The following ADAMTS19 variants were observed in gnomAD, a reference collection of about 807,000 sequenced individuals.
The protein encoded by ADAMTS19 is ADAM metallopeptidase with thrombospondin type 1 motif 19.
In ADAMTS19, 93 loss-of-function variants were observed where a neutral mutation model predicts 153.3. The ratio of observed to expected loss-of-function variants is 0.61; its 90% CI spans 0.51 to 0.72. The LOEUF is 0.72. Among genes scored for constraint, ADAMTS19 ranks in the 30% least tolerant of loss-of-function variants. The pLI, the probability that ADAMTS19 is intolerant of heterozygous loss-of-function variation, is 0.00. For synonymous variants in ADAMTS19, 600 were observed against 556.6 expected, an observed-to-expected ratio of 1.08 and a Z score of -1.10; for missense variants, 1,482 against 1,552.1, an observed-to-expected ratio of 0.95 and a Z score of 0.76.
intron 7 of ADAMTS19, among the ~76,000 whole-genome samples, chr5:129,594,437 A>G (rs945785728): frequency 2.0e-5 from 3 of 152,152 alleles, no homozygotes; most frequent in Non-Finnish European, 4.4e-5. Context: ...ATTTGTACCA[A>G]TCAATGGTAG....
Position 129,528,561 on chromosome 5 carries a change from G to T in ADAMTS19, c.1212G>T (p.Glu404Asp), listed in dbSNP as rs372839904. 7.1e-5 allele frequency: 113 copies of T among 1,602,206 alleles called. No individual in the cohort carries two copies. The highest frequency in any genetic ancestry group is 8.4e-5 in the Non-Finnish European group (99 of 1,175,128). The change falls in exon 6 of 23, where the codon GAG (glutamate) becomes GAT (aspartate). Residue 404 changes from glutamate (E) to aspartate (D), a missense_variant. This residue lies in a region of ADAMTS19 where 866 missense variants were observed against 827.7 expected (regional missense o/e 1.05). Transcript: ENST00000274487. Reference sequence around the variant, plus strand: ...GGCATCATGGAGAAAAAATGCTAGAGAGTTTTTGTAAGTGGCAACATGAAG... The same window carrying T: ...GGCATCATGGAGAAAAAATGCTAGATAGTTTTTGTAAGTGGCAACATGAAG... ...YIGHHGEKML[E>D]SFCKWQHEEF...
intron 16 of ADAMTS19, among the ~76,000 whole-genome samples, chr5:129,669,802 A>G (rs1581208512): frequency 6.6e-6 from 1 of 151,968 alleles, no homozygotes; most frequent in East Asian, 1.9e-4. Flanking sequence ...GATAATTTCT[A>G]ATTCCCCATG....
rs937366999 is a variant in ADAMTS19, at chr5:129,531,592, G to A, written c.1328+2915G>A. On this transcript the variant is annotated intron_variant, in intron 6 of 22. Coordinates refer to ENST00000274487, the MANE Select transcript of ADAMTS19 (RefSeq NM_133638.6). ...GTGAGCCAAGATTGCGCTACTGCAC[G>A]CCAGCCTGGGCGACTGAGCAAGACT... 3.3e-5 allele frequency among the ~76,000 whole-genome samples: 5 copies of A among 152,160 alleles called. No homozygotes were observed. In the East Asian group the frequency reaches 7.7e-4, roughly 24 times the overall value.
chr5:129,717,244 T>A (rs563849588), intron 21 of ADAMTS19, among the ~76,000 whole-genome samples: 1 of 152,184 alleles, frequency 6.6e-6, no homozygotes, highest in Non-Finnish European at 1.5e-5. Flanking sequence ...TTGTACTATA[T>A]GTGTAAGCAA....
At chr5:129,665,256 T>G (rs1753991952) in intron 15 of ADAMTS19, among the ~76,000 whole-genome samples, 1 of 150,556 alleles carries the variant, frequency 6.6e-6, no homozygotes, top group South Asian at 2.1e-4. Flanking sequence ...ATGAGATTTT[T>G]TTGTTTGTTT....
rs751858182 is a variant in ADAMTS19 at position 129,735,047 on chromosome 5, C to T, written c.3428C>T (p.Pro1143Leu). ...FSSEKPAAYRPCHLQPCNEKI... is the reference protein window; with the variant it reads ...FSSEKPAAYRLCHLQPCNEKI... The stretch of plus-strand genomic sequence containing the variant: ...TCAGAAAAACCTGCAGCATACAGGC[C>T]ATGCCATCTTCAACCCTGCAATGAG... The change falls in exon 22 of 23, where the codon CCA becomes CTA. Residue 1143 changes from proline (P) to leucine (L), a missense_variant. Pro to Leu is a moderately conservative substitution (Grantham distance 98, BLOSUM62 -3). This residue lies in a region of ADAMTS19 where 616 missense variants were observed against 724.4 expected (regional missense o/e 0.85). Coordinates refer to ENST00000274487, the MANE Select transcript of ADAMTS19 (RefSeq NM_133638.6). 6.2e-7 allele frequency: 1 copy of T among 1,611,366 alleles called. No individual in the cohort carries two copies. The highest frequency in any genetic ancestry group is 8.5e-7 in the Non-Finnish European group (1 of 1,178,580).
At chr5:129,587,266 T>G (rs1342925590) in intron 7 of ADAMTS19, among the ~76,000 whole-genome samples, 1 of 152,150 alleles carries the variant, frequency 6.6e-6, no homozygotes, top group Non-Finnish European at 1.5e-5. Flanking sequence ...TTGATTTTTT[T>G]TATAAATCCC....
intron 8 of ADAMTS19, among the ~76,000 whole-genome samples, chr5:129,607,913 G>T (rs188638939): frequency 6.7e-6 from 1 of 150,324 alleles, no homozygotes; most frequent in East Asian, 2.0e-4. Context: ...AAAGATGGAT[G>T]TATAAAGAAA....
At chr5:129,734,107 C>G (rs1479486122) in intron 21 of ADAMTS19, among the ~76,000 whole-genome samples, 1 of 151,726 alleles carries the variant, frequency 6.6e-6, no homozygotes, top group African/African-American at 2.4e-5. Context: ...ATTGCATGTT[C>G]TTACTTGTAA....
At chr5:129,613,707 G>A (rs911853056) in intron 8 of ADAMTS19, among the ~76,000 whole-genome samples, 1 of 152,040 alleles carries the variant, frequency 6.6e-6, no homozygotes, top group Non-Finnish European at 1.5e-5. Flanking sequence ...GAAGGAAATA[G>A]GGATACAAAA....
intron 8 of ADAMTS19, among the ~76,000 whole-genome samples, chr5:129,608,432 C>T (rs1751035109): frequency 6.6e-6 from 1 of 151,644 alleles, no homozygotes; most frequent in Non-Finnish European, 1.5e-5. Flanking sequence ...AGCATGATGA[C>T]TATAGTTAAA....
At chr5:129,572,208 C>T (rs560074493) in intron 7 of ADAMTS19, among the ~76,000 whole-genome samples, 29 of 151,738 alleles carry the variant, frequency 1.9e-4, no homozygotes, top group Non-Finnish European at 2.9e-4. Flanking sequence ...AAGTAATAGC[C>T]CTGGAGAAAA....
At chr5:129,507,800 C>T (rs532140311) in intron 2 of ADAMTS19, among the ~76,000 whole-genome samples, 4 of 151,058 alleles carry the variant, frequency 2.6e-5, no homozygotes, top group South Asian at 4.2e-4. Flanking sequence ...GGGGACAGAT[C>T]GAGGTGATAA....
In ADAMTS19 at chr5:129,557,283, A is replaced by C. The variant is rs147918318; in HGVS notation, c.1372+5376A>C. ...GCCTATCTCTTCTTTTAACAATTAA[A>C]TAAATTGAATCAATTCTTTAAAAGC... On this transcript the variant is annotated intron_variant, in intron 7 of 22. Transcript: ENST00000274487. Among the ~76,000 whole-genome samples, 828 of 152,276 alleles carry C rather than the reference A, an allele frequency of 5.4e-3. 4 individuals carry two copies. The highest frequency in any genetic ancestry group is 9.5e-3 in the Admixed American group (146 of 15,288).
intron 7 of ADAMTS19, among the ~76,000 whole-genome samples, chr5:129,588,513 T>G (rs560226679): frequency 6.6e-6 from 1 of 152,224 alleles, no homozygotes; most frequent in African/African-American, 2.4e-5. Flanking sequence ...TCTTTTCATC[T>G]ATTGAATCTA....
chr5:129,693,458 A>T (rs529798383), intron 18 of ADAMTS19, among the ~76,000 whole-genome samples: 23 of 152,282 alleles, frequency 1.5e-4, no homozygotes, highest in South Asian at 6.2e-4. Flanking sequence ...TCAATAGTGA[A>T]CCAGCAGACT....
In ADAMTS19 at chr5:129,504,872, G is replaced by C. The variant is rs78114540; in HGVS notation, c.748-4205G>C. Among the ~76,000 whole-genome samples the C allele has an allele frequency of 3.2e-3, 470 of 148,224 alleles. 1 individual carries two copies. The highest frequency in any genetic ancestry group is 0.01 in the African/African-American group (420 of 40,254). On this transcript the variant is annotated intron_variant, in intron 2 of 22. Coordinates refer to ENST00000274487, the MANE Select transcript of ADAMTS19 (RefSeq NM_133638.6). ...GTAGTATTCTGTCTACACACACACAGACACACACACACACACACACACACA... is the reference window on the plus strand; with the variant it reads ...GTAGTATTCTGTCTACACACACACACACACACACACACACACACACACACA...
intron 14 of ADAMTS19, among the ~76,000 whole-genome samples, chr5:129,658,351 A>AGAGAGAGAGAGAGAGAGAGAGAGAGAG (rs1554103337): frequency 5.5e-4 from 73 of 133,224 alleles, no homozygotes; most frequent in African/African-American, 2.1e-3. Flanking sequence ...GAAAGAAAGA[A>AGAGAGAGAGAGAGAGAGAGAGAGAGAG]AGAAAGAAAG....
At chr5:129,500,681 C>G (rs1272676516) in intron 2 of ADAMTS19, 1 of 152,068 alleles carries the variant, frequency 6.6e-6, no homozygotes, top group Admixed American at 6.6e-5. Context: ...AAATATAGAT[C>G]TTTTTGACCC....
Sources: gnomAD v4.1 joint callset for allele counts (sites outside exome capture counted in the v4.1 genomes callset) on GRCh38, gnomAD v4.1.1 for gene constraint, gnomAD v4.1.1 regional missense constraint, MANE v1.5 for transcripts, NCBI Gene and HGNC (gene_info 2026-07-23, HGNC 2026-07-21) for gene names.